CNTNAP2: variants seen among roughly 807,000 people sequenced by gnomAD.
CNTNAP2 encodes contactin associated protein 2, also known as contactin-associated protein-like 2.
In CNTNAP2, 98 loss-of-function variants were observed where a neutral mutation model predicts 155.2. That is an observed-to-expected ratio of 0.63 (90% CI 0.54 to 0.75). CNTNAP2 has a LOEUF of 0.75. CNTNAP2 is among the 30% of genes least tolerant of loss of function. CNTNAP2 has a pLI of 0.00. For missense variants in CNTNAP2, 1,727 were observed against 1,688.1 expected (o/e 1.02, Z -0.40); for synonymous variants, 651 against 631.2 (o/e 1.03, Z -0.47).
At chr7:147,167,635 A>G in intron 8 of CNTNAP2, 1 of 540,354 alleles carries the variant, frequency 1.9e-6, no homozygotes, top group South Asian at 2.5e-5. Context: ...CTGTCCTGTG[A>G]TATCAGCGGA....
intron 13 of CNTNAP2, among the ~76,000 whole-genome samples, chr7:147,872,100 C>T (rs17235097): frequency 0.037 from 5,614 of 152,250 alleles, 174 homozygotes; most frequent in Middle Eastern, 0.061. Context: ...ATCACAAATG[C>T]CCTGTGGAGA....
chr7:146,841,108 A>C (rs1298968386), intron 3 of CNTNAP2, among the ~76,000 whole-genome samples: 1 of 152,222 alleles, frequency 6.6e-6, no homozygotes, highest in Non-Finnish European at 1.5e-5. Flanking sequence ...ACTTTAAAAC[A>C]TATAGACCCT....
At chr7:146,402,547 CTAATTA>C (rs1191100359) in intron 1 of CNTNAP2, among the ~76,000 whole-genome samples, 5 of 152,094 alleles carry the variant, frequency 3.3e-5, no homozygotes, top group South Asian at 4.1e-4. Context: ...CAGTAACACT[CTAATTA>C]TATCTACCTG....
intron 1 of CNTNAP2, among the ~76,000 whole-genome samples, chr7:146,428,251 A>T (rs946269712): frequency 6.6e-6 from 1 of 152,122 alleles, no homozygotes; most frequent in South Asian, 2.1e-4. Context: ...ATTCCTTTGC[A>T]TATATACCCC....
intron 10 of CNTNAP2, among the ~76,000 whole-genome samples, chr7:147,437,378 C>T (rs964147540): frequency 1.3e-5 from 2 of 152,092 alleles, no homozygotes; most frequent in African/African-American, 4.8e-5. Flanking sequence ...GGCCAAATGA[C>T]TTTTGCTTTA....
chr7:147,470,497 G>A (rs1320385040), intron 10 of CNTNAP2, among the ~76,000 whole-genome samples: 1 of 151,946 alleles, frequency 6.6e-6, no homozygotes, highest in African/African-American at 2.4e-5. Context: ...TCTTGGATTA[G>A]GGTAATAGCA....
chr7:146,779,961 C>A (rs1204268511), intron 2 of CNTNAP2, among the ~76,000 whole-genome samples: 1 of 152,122 alleles, frequency 6.6e-6, no homozygotes, highest in African/African-American at 2.4e-5. Flanking sequence ...CAAAGAGAAC[C>A]ACAGTCCTTA....
rs193081717 is a variant in CNTNAP2, at chr7:146,567,348, A to T, written c.98-206923A>T. 8.7e-4 allele frequency among the ~76,000 whole-genome samples: 132 copies of T among 152,322 alleles called. 1 individual carries two copies. Among genetic ancestry groups the T allele is most frequent in the African/African-American group, 3.0e-3 (123 of 41,580 alleles). ...ATGTTAAATAAAAGGAACAATTAGT[A>T]GACTATATGAATACCTTCAAAGCAA... On this transcript the variant is annotated intron_variant, in intron 1 of 23. Coordinates refer to ENST00000361727, the MANE Select transcript of CNTNAP2 (RefSeq NM_014141.6).
At chr7:147,090,001 T>C (rs1244760923) in intron 4 of CNTNAP2, among the ~76,000 whole-genome samples, 1 of 152,176 alleles carries the variant, frequency 6.6e-6, no homozygotes, top group Admixed American at 6.6e-5. Flanking sequence ...GCTTTCACTT[T>C]ATGTCTCTAC....
chr7:148,106,614 G>T (rs1214750335), intron 15 of CNTNAP2, among the ~76,000 whole-genome samples: 2 of 151,380 alleles, frequency 1.3e-5, no homozygotes, highest in African/African-American at 4.9e-5. Flanking sequence ...ACCGGCTTCA[G>T]CCTCCCAAAG....
chr7:148,179,891 C>A (rs1181145970), intron 18 of CNTNAP2, among the ~76,000 whole-genome samples: 2 of 152,134 alleles, frequency 1.3e-5, no homozygotes, highest in Middle Eastern at 3.2e-3. Context: ...AGAAACATTT[C>A]TTGTTGGATG....
chr7:146,322,375 T>G (rs904987996), intron 1 of CNTNAP2, among the ~76,000 whole-genome samples: 12 of 152,178 alleles, frequency 7.9e-5, no homozygotes, highest in Non-Finnish European at 1.6e-4. Flanking sequence ...GCTGGTCCAT[T>G]AAAAATGTGC....
At chr7:146,356,829 C>G (rs1454210977) in intron 1 of CNTNAP2, among the ~76,000 whole-genome samples, 3 of 152,096 alleles carry the variant, frequency 2.0e-5, no homozygotes, top group African/African-American at 7.2e-5. Context: ...CACGCACTTT[C>G]TTTAAACATT....
intron 15 of CNTNAP2, among the ~76,000 whole-genome samples, chr7:148,008,566 C>T (rs907347488): frequency 6.6e-6 from 1 of 152,100 alleles, no homozygotes; most frequent in Non-Finnish European, 1.5e-5. Context: ...AGATCTTATC[C>T]TTTCCACTTT....
intron 1 of CNTNAP2, among the ~76,000 whole-genome samples, chr7:146,680,742 T>C (rs1323436601): frequency 6.6e-6 from 1 of 152,148 alleles, no homozygotes; most frequent in Non-Finnish European, 1.5e-5. Flanking sequence ...CAGATGATAA[T>C]AACGAAGCAT....
intron 1 of CNTNAP2, among the ~76,000 whole-genome samples, chr7:146,596,428 A>G (rs909041260): frequency 7.2e-5 from 11 of 151,974 alleles, no homozygotes; most frequent in African/African-American, 2.7e-4. Context: ...AATCAGAAAC[A>G]TCGTGATTAG....
chr7:147,349,931 A>G (rs1355930834), intron 9 of CNTNAP2, among the ~76,000 whole-genome samples: 3 of 151,908 alleles, frequency 2.0e-5, no homozygotes, highest in African/African-American at 4.8e-5. Flanking sequence ...CTATTATTTC[A>G]TAGTTACCAC....
intron 1 of CNTNAP2, among the ~76,000 whole-genome samples, chr7:146,244,336 G>C (rs945259569): frequency 3.9e-5 from 6 of 152,174 alleles, no homozygotes; most frequent in African/African-American, 1.4e-4. Context: ...TGCATGAGTA[G>C]TTGAGAACGG....
chr7:146,195,860 A>G (rs2116859091), intron 1 of CNTNAP2, among the ~76,000 whole-genome samples: 1 of 152,336 alleles, frequency 6.6e-6, no homozygotes. Flanking sequence ...ATCATTTATC[A>G]TTATATTTGA....
Sources: allele counts gnomAD v4.1 joint callset (sites outside exome capture counted in the v4.1 genomes callset), GRCh38; gene constraint gnomAD v4.1.1; transcripts MANE v1.5; gene names NCBI Gene and HGNC (gene_info 2026-07-23, HGNC 2026-07-21).